The following GNAQ variants were observed in gnomAD, a reference collection of about 807,000 sequenced individuals.
The protein encoded by GNAQ is guanine nucleotide-binding protein G(q) subunit alpha.
A neutral mutation model predicts 43.9 loss-of-function variants in GNAQ; 8 were observed. The observed-to-expected ratio is 0.18, with a 90% CI of 0.11 to 0.33. The LOEUF (loss-of-function observed/expected upper bound fraction) is 0.33. GNAQ is among the 10% of genes least tolerant of loss of function. The probability of loss-of-function intolerance (pLI) is 1.00; values close to 1 mark genes in which losing one functional copy is unlikely to be tolerated. For missense variants in GNAQ, 158 were observed against 450.8 expected (o/e 0.35, Z 5.88); for synonymous variants, 155 against 170.7 (o/e 0.91, Z 0.71).
chr9:77,797,735 A>T, intron 3 of GNAQ, 87 bp from the exon 4 acceptor site: 1 of 1,159,546 alleles, frequency 8.6e-7, no homozygotes, highest in Non-Finnish European at 1.3e-6. Context: ...AATGAGTCCT[A>T]ACAGAGAAGT....
intron 5 of GNAQ, among the ~76,000 whole-genome samples, chr9:77,772,936 C>T (rs1454881430): frequency 2.0e-5 from 3 of 152,092 alleles, no homozygotes; most frequent in Non-Finnish European, 4.4e-5. Flanking sequence ...CACAGAAACA[C>T]GCCAAAAAAA....
At chr9:77,815,343 C>T (rs139301950) in intron 3 of GNAQ, among the ~76,000 whole-genome samples, 381 of 152,202 alleles carry the variant, frequency 2.5e-3, no homozygotes, top group Non-Finnish European at 4.5e-3. Context: ...GGGGAGGAGA[C>T]AGGTTGGTGA....
At chr9:77,859,678 T>C (rs1460994450) in intron 2 of GNAQ, among the ~76,000 whole-genome samples, 1 of 152,208 alleles carries the variant, frequency 6.6e-6, no homozygotes, top group Non-Finnish European at 1.5e-5. Context: ...AGGATGTTCA[T>C]TTGTTTATAG....
chr9:77,948,747 T>C (rs1822937459), intron 1 of GNAQ, among the ~76,000 whole-genome samples: 1 of 152,154 alleles, frequency 6.6e-6, no homozygotes, highest in Non-Finnish European at 1.5e-5. Context: ...CTCCCTAGCA[T>C]TGTTTAGGAG....
At chr9:77,823,821 T>C (rs1486982333) in intron 2 of GNAQ, among the ~76,000 whole-genome samples, 1 of 152,204 alleles carries the variant, frequency 6.6e-6, no homozygotes, top group Non-Finnish European at 1.5e-5. Context: ...AAGTGGGGAT[T>C]ACAATTTAAG....
At chr9:77,907,261 C>G (rs1311985058) in intron 2 of GNAQ, among the ~76,000 whole-genome samples, 1 of 152,086 alleles carries the variant, frequency 6.6e-6, no homozygotes, top group Non-Finnish European at 1.5e-5. Flanking sequence ...AATTAAGATG[C>G]CTTCCCTGGC....
At chr9:77,722,436 C>T (rs1434295622) in intron 6 of GNAQ, among the ~76,000 whole-genome samples, 2 of 152,060 alleles carry the variant, frequency 1.3e-5, no homozygotes, top group African/African-American at 4.8e-5. Flanking sequence ...TGTGCCCAAC[C>T]TATATTTTCT....
chr9:77,727,718 A>G (rs1286121079), intron 6 of GNAQ, among the ~76,000 whole-genome samples: 2 of 152,188 alleles, frequency 1.3e-5, no homozygotes, highest in Non-Finnish European at 2.9e-5. Flanking sequence ...GCACAAAACA[A>G]TCCTATGAGT....
chr9:78,002,778 A>G (rs1251348176), intron 1 of GNAQ, among the ~76,000 whole-genome samples: 1 of 152,134 alleles, frequency 6.6e-6, no homozygotes, highest in African/African-American at 2.4e-5. Flanking sequence ...AAGACATCCA[A>G]CTGTCATTGA....
At chr9:77,803,065 G>A (rs1252859405) in intron 3 of GNAQ, among the ~76,000 whole-genome samples, 1 of 152,072 alleles carries the variant, frequency 6.6e-6, no homozygotes, top group Non-Finnish European at 1.5e-5. Flanking sequence ...CAAGGGCCTG[G>A]AGCACAGCAG....
intron 2 of GNAQ, among the ~76,000 whole-genome samples, chr9:77,883,050 C>A (rs1216307215): frequency 6.6e-6 from 1 of 152,146 alleles, no homozygotes; most frequent in Non-Finnish European, 1.5e-5. Context: ...AGCTTACTAA[C>A]CCAAGAAACC....
Position 77,815,666 on chromosome 9 carries a change from C to T in GNAQ, c.426G>A (p.Gln142=). 6.2e-7 allele frequency: 1 copy of T among 1,602,644 alleles called. No individual in the cohort carries two copies. The highest frequency in any genetic ancestry group is 1.1e-5 in the South Asian group (1 of 90,790). The change falls in exon 3 of 7, where the codon CAG becomes CAA. Residue 142 remains glutamine (Q), a synonymous_variant. Coordinates refer to ENST00000286548, the MANE Select transcript of GNAQ (RefSeq NM_002072.5). ...ATTCTCGTCGTCTATCATAGCATTC[C>T]TGGATTCCAGGATCATTCCATAAAC... is the stretch of plus-strand genomic sequence containing the variant. ...IKSLWNDPGI[Q]ECYDRRREYQ... is the part of the protein sequence containing the mutation.
At chr9:77,866,691 G>A (rs1308544807) in intron 2 of GNAQ, among the ~76,000 whole-genome samples, 1 of 152,130 alleles carries the variant, frequency 6.6e-6, no homozygotes, top group Non-Finnish European at 1.5e-5. Context: ...AATAACAACT[G>A]AGTAGTTCTT....
At chr9:77,761,221 T>A in intron 5 of GNAQ, among the ~76,000 whole-genome samples, 1 of 136,960 alleles carries the variant, frequency 7.3e-6, no homozygotes, top group African/African-American at 2.8e-5. Context: ...CTGCCCCTAC[T>A]GGGAAGTGAG....
At chr9:77,798,710 T>C (rs1587921376) in intron 3 of GNAQ, among the ~76,000 whole-genome samples, 1 of 152,228 alleles carries the variant, frequency 6.6e-6, no homozygotes. Context: ...TACTTAACAA[T>C]GTAAATGCTA....
chr9:77,985,343 G>C (rs949583509), intron 1 of GNAQ, among the ~76,000 whole-genome samples: 64 of 152,240 alleles, frequency 4.2e-4, no homozygotes, highest in African/African-American at 1.5e-3. Flanking sequence ...AAAAGAGTTT[G>C]TAGAGTTTTG....
intron 5 of GNAQ, among the ~76,000 whole-genome samples, chr9:77,758,343 G>A (rs1050527175): frequency 1.3e-5 from 2 of 152,124 alleles, no homozygotes; most frequent in African/African-American, 4.8e-5. Context: ...TAAATTGAAA[G>A]CCTTGTACAA....
chr9:77,728,649 T>G lies in GNAQ; in HGVS notation c.754A>C (p.Lys252Gln). ...GTGATAATTGTTCTAAAGAGAGCCT[T>G]GCTTTCCTCCATTCGGTTCTGGAAA... ...SDNENRMEES[K>Q]ALFRTIITYP... The change falls in exon 6 of 7, where the codon AAG (lysine) becomes CAG (glutamine). Residue 252 changes from lysine to glutamine, a missense_variant. Physicochemically the swap from Lys to Gln is moderately conservative, Grantham distance 53. This residue lies in a region of GNAQ where 56 missense variants were observed against 172.2 expected (regional missense o/e 0.33). Coordinates refer to ENST00000286548, the MANE Select transcript of GNAQ (RefSeq NM_002072.5). The G allele has an allele frequency of 6.2e-7, 1 of 1,602,074 alleles. No homozygotes were observed. Among genetic ancestry groups the G allele is most frequent in the Non-Finnish European group, 8.5e-7 (1 of 1,172,444 alleles).
chr9:77,924,878 C>T (rs74333421), intron 1 of GNAQ, among the ~76,000 whole-genome samples: 1 of 152,208 alleles, frequency 6.6e-6, no homozygotes, highest in East Asian at 1.9e-4. Flanking sequence ...CCCCAGGAGG[C>T]TGACCAATAG....
Sources: allele counts gnomAD v4.1 joint callset (sites outside exome capture counted in the v4.1 genomes callset), GRCh38; gene constraint gnomAD v4.1.1; regional missense constraint gnomAD v4.1.1; transcripts MANE v1.5; gene names NCBI Gene and HGNC (gene_info 2026-07-23, HGNC 2026-07-21).